TRIP11: variants seen among roughly 807,000 people sequenced by gnomAD.
TRIP11 encodes the protein thyroid hormone receptor interactor 11, also known as thyroid receptor-interacting protein 11.
A neutral mutation model predicts 223.1 loss-of-function variants in TRIP11; 148 were observed. The ratio of observed to expected loss-of-function variants is 0.66; its 90% CI spans 0.58 to 0.76. The LOEUF (loss-of-function observed/expected upper bound fraction) is 0.76. Among genes scored for constraint, TRIP11 ranks in the 30% least tolerant of loss-of-function variants. The pLI, the probability that TRIP11 is intolerant of heterozygous loss-of-function variation, is 0.00. For missense variants in TRIP11, 2,043 were observed against 2,222.0 expected, an observed-to-expected ratio of 0.92 and a Z score of 1.62; for synonymous variants, 762 against 772.6, an observed-to-expected ratio of 0.99 and a Z score of 0.23.
Position 91,995,343 on chromosome 14 carries a change from A to G in TRIP11, c.5056+9T>C, listed in dbSNP as rs765010457. On this transcript the variant is annotated intron_variant, in intron 14 of 20. Coordinates refer to ENST00000267622, the MANE Select transcript of TRIP11 (RefSeq NM_004239.4). ...TTTTCTTCATTGAAAGAGTGACCGT[A>G]GAGCTTACCTTGTTGGAAATGCTCT... is the stretch of plus-strand genomic sequence containing the variant. The G allele has an allele frequency of 1.2e-6, 2 of 1,613,030 alleles. No homozygotes were observed. The highest frequency in any genetic ancestry group is 1.7e-5 in the Admixed American group (1 of 60,002).
chr14:91,975,659 A>G (rs1470568847), intron 17 of TRIP11, among the ~76,000 whole-genome samples: 1 of 152,052 alleles, frequency 6.6e-6, no homozygotes, highest in Non-Finnish European at 1.5e-5. Context: ...TGTTATGCTT[A>G]TATTTCCCCA....
chr14:91,966,439 G>A lies in TRIP11; in HGVS notation c.*3234C>T, dbSNP rs1161559134. On this transcript the variant is annotated 3_prime_UTR_variant, in exon 21 of 21. Transcript: ENST00000267622. ...AAAACTTCATTATCTTTAAATATCA[G>A]GTCCAAATGCTTTTAAGTTTGATGG... 5.2e-6 allele frequency: 1 copy of A among 190,648 alleles called. No individual in the cohort carries two copies. Among genetic ancestry groups the A allele is most frequent in the African/African-American group, 2.3e-5 (1 of 42,908 alleles). The allele number at this position is 190,648 out of a possible 1,614,324, so 11.8% of individuals were successfully genotyped here. A position where few individuals can be genotyped will look rare whatever the true frequency, so the allele number is the denominator to read the frequency against.
chr14:91,990,473 T>C (rs981384423), intron 15 of TRIP11, among the ~76,000 whole-genome samples: 3 of 152,166 alleles, frequency 2.0e-5, no homozygotes, highest in Non-Finnish European at 2.9e-5. Context: ...TATATTACAC[T>C]TTAAATTTTA....
rs780157114 is a variant in TRIP11 at position 91,974,665 on chromosome 14, T to C, written c.5536A>G (p.Thr1846Ala). ...LGGGSKSVPN[T>A]PLRPNQQSVV... ...GATTGCTGATTTGGTCTCAAAGGTG[T>C]GTTGGGAACACTTTTTGATCCTCCT... is the stretch of plus-strand genomic sequence containing the variant. The change falls in exon 19 of 21, where the codon ACA (threonine) becomes GCA (alanine). Residue 1846 changes from threonine (T) to alanine (A), a missense_variant. By Grantham distance (58) the Thr-to-Ala change is moderately conservative. Coordinates refer to ENST00000267622, the MANE Select transcript of TRIP11 (RefSeq NM_004239.4). 6.2e-6 allele frequency: 10 copies of C among 1,612,712 alleles called. No individual in the cohort carries two copies. In the East Asian group the frequency reaches 1.1e-4, roughly 18 times the overall value.
intron 2 of TRIP11, among the ~76,000 whole-genome samples, chr14:92,031,742 G>C (rs2057268193): frequency 6.6e-6 from 1 of 152,156 alleles, no homozygotes; most frequent in Non-Finnish European, 1.5e-5. Context: ...TGCTTATTTT[G>C]AGTCTTTATG....
Position 92,011,027 on chromosome 14 carries a change from C to A in TRIP11, c.1273G>T (p.Glu425Ter), listed in dbSNP as rs779640146. The A allele has an allele frequency of 1.2e-6, 2 of 1,613,924 alleles. No homozygotes were observed. The highest frequency in any genetic ancestry group is 8.5e-7 in the Non-Finnish European group (1 of 1,179,966). The change falls in exon 9 of 21, where the codon GAA (glutamate) becomes TAA (stop). Residue 425 changes from glutamate to a stop codon, truncating the protein, a stop_gained. Transcript: ENST00000267622. LOFTEE classifies it high-confidence loss of function. ...EDNLKLKMRI[E>*]VLEKEKSLLS... ...AATGACTTCTCTTTTTCTAAAACTT[C>A]GATACGCATTTTAAGTTTCAGATTG...
intron 16 of TRIP11, among the ~76,000 whole-genome samples, chr14:91,987,967 C>G (rs967219487): frequency 6.6e-6 from 1 of 152,196 alleles, no homozygotes; most frequent in African/African-American, 2.4e-5. Flanking sequence ...TGCACGTGAA[C>G]TGATAAGGGA....
At chr14:91,972,016 TAAAG>T (rs1320397628) in intron 20 of TRIP11, among the ~76,000 whole-genome samples, 2 of 152,210 alleles carry the variant, frequency 1.3e-5, no homozygotes, top group Non-Finnish European at 2.9e-5. Context: ...GCTCTTCCAA[TAAAG>T]AATTTGTTTA....
intron 2 of TRIP11, among the ~76,000 whole-genome samples, chr14:92,027,580 G>T (rs1206408424): frequency 6.6e-6 from 1 of 151,986 alleles, no homozygotes; most frequent in Non-Finnish European, 1.5e-5. Flanking sequence ...ACAACAAAAA[G>T]AACATAATGG....
At chr14:92,000,702 T>C (rs975291895) in intron 11 of TRIP11, among the ~76,000 whole-genome samples, 4 of 152,236 alleles carry the variant, frequency 2.6e-5, no homozygotes, top group African/African-American at 4.8e-5. Flanking sequence ...TGTACGTGTG[T>C]GCACACGTAT....
At chr14:92,027,717 A>G (rs1202453062) in intron 2 of TRIP11, among the ~76,000 whole-genome samples, 1 of 152,232 alleles carries the variant, frequency 6.6e-6, no homozygotes, top group East Asian at 1.9e-4. Context: ...TGAGAAAAAG[A>G]AGACTGATAG....
intron 19 of TRIP11, 106 bp downstream of exon 19, chr14:91,974,521 A>G: frequency 2.2e-6 from 2 of 918,636 alleles, no homozygotes; most frequent in East Asian, 2.7e-5. Flanking sequence ...TCAAAATAAA[A>G]GGGTTGTATA....
At position 92,010,928 on chromosome 14, in the gene TRIP11, T is replaced by C. The variant is rs996460947; in HGVS notation, c.1314+58A>G. On this transcript the variant is annotated intron_variant, in intron 9 of 20. Transcript: ENST00000267622. ...TTCCATTTGGATATCAACTGGCCCT[T>C]GGCTGTGACCTGTTACACATACCAT... 2.7e-6 allele frequency: 4 copies of C among 1,500,862 alleles called. 1 individual carries two copies. The Admixed American group carries it at 5.0e-5, about 19-fold the overall frequency. The allele number at this position is 1,500,862 out of a possible 1,614,324, so 93.0% of individuals were successfully genotyped here.
At chr14:91,989,910 T>A (rs765445678) in intron 15 of TRIP11, among the ~76,000 whole-genome samples, 2 of 152,266 alleles carry the variant, frequency 1.3e-5, no homozygotes, top group Non-Finnish European at 2.9e-5. Flanking sequence ...CCATCCTGCT[T>A]GTGACTTTCC....
rs1434842078 is a variant in TRIP11, at chr14:91,995,506, G to A, written c.4902C>T (p.Ala1634=). 6.2e-7 allele frequency: 1 copy of A among 1,613,956 alleles called. No individual in the cohort carries two copies. The highest frequency in any genetic ancestry group is 2.2e-5 in the East Asian group (1 of 44,862). The change falls in exon 14 of 21, where the codon GCC becomes GCT. Residue 1634 remains alanine, a synonymous_variant. Transcript: ENST00000267622. ...SNAMENASHQ[A]SVQVESLQEQ... ...CTTGCAATGACTCTACCTGCACACT[G>A]GCTTGATGGCTTCAAACAAAAAGAA...
chr14:92,007,012 A>G (rs1430892399), intron 10 of TRIP11, among the ~76,000 whole-genome samples: 1 of 148,398 alleles, frequency 6.7e-6, no homozygotes, highest in African/African-American at 2.5e-5. Context: ...AGAATTTAAA[A>G]CCAAAGATGG....
Position 92,011,747 on chromosome 14 carries a change from T to A in TRIP11, c.1227+8A>T. The A allele has an allele frequency of 6.2e-7, 1 of 1,610,784 alleles. No individual in the cohort carries two copies. Among genetic ancestry groups the A allele is most frequent in the Non-Finnish European group, 8.5e-7 (1 of 1,178,702 alleles). ...CTATGCACATAACATTTGTCAAAAT[T>A]AATTTACCTGGTTTAAACTACTCAA... On this transcript the variant is annotated splice_region_variant and intron_variant, in intron 8 of 20. Coordinates refer to ENST00000267622, the MANE Select transcript of TRIP11 (RefSeq NM_004239.4).
At chr14:92,021,942 A>G (rs1425043233) in intron 3 of TRIP11, 111 bp from the exon 4 acceptor site, 11 of 1,184,106 alleles carry the variant, frequency 9.3e-6, no homozygotes, top group Non-Finnish European at 1.3e-5. Flanking sequence ...AGATTATCCA[A>G]TGATGGTCCT....
At chr14:92,018,985 A>C (rs993252766) in intron 4 of TRIP11, among the ~76,000 whole-genome samples, 1 of 151,574 alleles carries the variant, frequency 6.6e-6, no homozygotes, top group Admixed American at 6.6e-5. Flanking sequence ...AAAACAAAAA[A>C]AAAACTTTCA....
Sources: allele counts gnomAD v4.1 joint callset (sites outside exome capture counted in the v4.1 genomes callset), GRCh38; gene constraint gnomAD v4.1.1; transcripts MANE v1.5; gene names NCBI Gene and HGNC (gene_info 2026-07-23, HGNC 2026-07-21).